WRNIP1: variants seen among roughly 807,000 people sequenced by gnomAD.
WRNIP1 encodes WRN helicase interacting protein 1, also known as ATPase WRNIP1.
In WRNIP1, 41 loss-of-function variants were observed where a neutral mutation model predicts 56.1. That is an observed-to-expected ratio of 0.73 (90% CI 0.57 to 0.95). The LOEUF is 0.95. WRNIP1 is among the 40% of genes least tolerant of loss of function. The pLI is 0.00. For synonymous variants in WRNIP1, 547 were observed against 398.1 expected (o/e 1.37, Z -4.45); for missense variants, 1,170 against 939.4 (o/e 1.25, Z -3.21).
Position 2,785,080 on chromosome 6 carries a change from A to G in WRNIP1, c.1796A>G (p.Asn599Ser). The G allele has an allele frequency of 2.5e-6, 4 of 1,614,136 alleles. No homozygotes were observed. Among genetic ancestry groups the G allele is most frequent in the Non-Finnish European group, 3.4e-6 (4 of 1,180,014 alleles). The change falls in exon 7 of 7, where the codon AAC becomes AGC. Residue 599 changes from asparagine (N) to serine (S), a missense_variant. Physicochemically the swap from Asn to Ser is conservative, Grantham distance 46. Transcript: ENST00000380773. ...ATTGAGGTGTACAGCGCCTACAACA[A>G]CGTCAAAGCCTGCCTGAGGAACCAC... is the stretch of plus-strand genomic sequence containing the variant. ...KSIEVYSAYNNVKACLRNHQG... is the reference protein window; with the variant it reads ...KSIEVYSAYNSVKACLRNHQG...
At chr6:2,772,451 C>G (rs1488228931) in intron 3 of WRNIP1, among the ~76,000 whole-genome samples, 1 of 152,150 alleles carries the variant, frequency 6.6e-6, no homozygotes, top group African/African-American at 2.4e-5. Context: ...GTGCCTGGCA[C>G]ACATTATGTG....
At chr6:2,780,305 G>T (rs1209729063) in intron 4 of WRNIP1, among the ~76,000 whole-genome samples, 1 of 152,222 alleles carries the variant, frequency 6.6e-6, no homozygotes, top group African/African-American at 2.4e-5. Context: ...TCTCACGTAG[G>T]CTGTGCCACG....
rs765510820 is a variant in WRNIP1, at chr6:2,766,192, C to T, written c.570C>T (p.Asp190=). 5.7e-6 allele frequency: 8 copies of T among 1,397,842 alleles called. No individual in the cohort carries two copies. The highest frequency in any genetic ancestry group is 6.6e-5 in the Admixed American group (2 of 30,278). 86.6% of individuals were successfully genotyped at this position (1,397,842 alleles called of 1,614,324 possible). ...ADGEDDPGHW[D]ADAAEAATAF... Reference sequence around the variant, plus strand: ...GCGAGGACGACCCGGGGCACTGGGACGCGGACGCTGCCGAAGCCGCCACCG... The same window carrying T: ...GCGAGGACGACCCGGGGCACTGGGATGCGGACGCTGCCGAAGCCGCCACCG... The change falls in exon 1 of 7, where the codon GAC becomes GAT. Residue 190 remains aspartate (D), a synonymous_variant. Transcript: ENST00000380773.
Position 2,783,434 on chromosome 6 carries a change from C to T in WRNIP1, c.1515C>T (p.Ala505=). Reference sequence around the variant, plus strand: ...AGGAGCATTACAACTGCATCTCCGCCCTGCACAAGTCCATGCGGGGCTCAG... The same window carrying T: ...AGGAGCATTACAACTGCATCTCCGCTCTGCACAAGTCCATGCGGGGCTCAG... ...AGEEHYNCIS[A]LHKSMRGSDQ... is the part of the protein sequence containing the mutation. Residue 505 remains alanine, a synonymous_variant, in exon 5 of 7, where the codon GCC becomes GCT. Coordinates refer to ENST00000380773, the MANE Select transcript of WRNIP1 (RefSeq NM_020135.3). 6.2e-7 allele frequency: 1 copy of T among 1,611,186 alleles called. No homozygotes were observed. Among genetic ancestry groups the T allele is most frequent in the South Asian group, 1.1e-5 (1 of 90,686 alleles).
intron 4 of WRNIP1, among the ~76,000 whole-genome samples, chr6:2,782,874 C>G (rs1350737713): frequency 3.3e-5 from 5 of 152,190 alleles, no homozygotes; most frequent in Non-Finnish European, 5.9e-5. Context: ...ACAGGTGTCC[C>G]CACACCAAGG....
In WRNIP1 at chr6:2,778,825, G is replaced by A. The variant is rs146092567; in HGVS notation, c.1257-438G>A. Among the ~76,000 whole-genome samples the A allele has an allele frequency of 1.2e-4, 19 of 152,370 alleles. No individual in the cohort carries two copies. In the East Asian group the frequency reaches 3.5e-3, roughly 28 times the overall value. On this transcript the variant is annotated intron_variant, in intron 3 of 6. Transcript: ENST00000380773. The stretch of plus-strand genomic sequence containing the variant: ...TCAGATATAATGCTGACTCTCCCCT[G>A]TGTGGAAAGTGGTCTAAGCACATCT...
chr6:2,783,653 T>TTTTTTTAGGGG, intron 5 of WRNIP1, 92 bp downstream of exon 5: 2 of 119,820 alleles, frequency 1.7e-5, no homozygotes, highest in African/African-American at 9.0e-5. Flanking sequence ...TTTTTTTTTT[T>TTTTTTTAGGGG]GCAGGGCGGG....
At chr6:2,776,703 CTG>C (rs1226997862) in intron 3 of WRNIP1, among the ~76,000 whole-genome samples, 1 of 152,210 alleles carries the variant, frequency 6.6e-6, no homozygotes, top group East Asian at 1.9e-4. Context: ...GCCTCCCTGT[CTG>C]TATATGAGGA....
intron 3 of WRNIP1, among the ~76,000 whole-genome samples, chr6:2,772,676 C>G (rs6922870): frequency 6.6e-6 from 1 of 152,160 alleles, no homozygotes; most frequent in African/African-American, 2.4e-5. Context: ...GCAATTCTAA[C>G]AAGAAGTTAA....
intron 3 of WRNIP1, among the ~76,000 whole-genome samples, chr6:2,777,145 A>G (rs1765451475): frequency 6.6e-6 from 1 of 152,198 alleles, no homozygotes; most frequent in South Asian, 2.1e-4. Context: ...CAGTGCTGGA[A>G]ATATGGATTC....
chr6:2,782,578 C>T (rs1018290437), intron 4 of WRNIP1, among the ~76,000 whole-genome samples: 6 of 152,252 alleles, frequency 3.9e-5, no homozygotes, highest in Non-Finnish European at 8.8e-5. Context: ...GAACACCATC[C>T]TCCGCTTTCT....
intron 3 of WRNIP1, among the ~76,000 whole-genome samples, chr6:2,771,386 G>C (rs187169608): frequency 1.3e-5 from 2 of 152,310 alleles, no homozygotes; most frequent in Non-Finnish European, 2.9e-5. Flanking sequence ...GAGTGGCCTT[G>C]TTTTGGAATA....
chr6:2,766,504 G>A, intron 1 of WRNIP1, 60 bp downstream of exon 1: 2 of 1,443,764 alleles, frequency 1.4e-6, no homozygotes, highest in South Asian at 1.4e-5. Context: ...TGCAGCTGAT[G>A]GTCGGAGAGC....
In WRNIP1 at chr6:2,786,799, T is replaced by C. The variant is rs919649449; in HGVS notation, c.*1517T>C. 1.3e-5 allele frequency: 2 copies of C among 152,234 alleles called. No individual in the cohort carries two copies. Among genetic ancestry groups the C allele is most frequent in the African/African-American group, 4.8e-5 (2 of 41,452 alleles). 9.4% of individuals were successfully genotyped at this position (152,234 alleles called of 1,614,324 possible). A position where few individuals can be genotyped will look rare whatever the true frequency, so the allele number is the denominator to read the frequency against. ...CTCTATCAACTTGTAGACTCTTCTG[T>C]CTTTGCTCCCCGTGTTTTAAAAGTC... On this transcript the variant is annotated 3_prime_UTR_variant, in exon 7 of 7. Coordinates refer to ENST00000380773, the MANE Select transcript of WRNIP1 (RefSeq NM_020135.3).
rs1485129311 is a variant in WRNIP1, at chr6:2,765,470, G to A, written c.-153G>A. ...CGGACGCGGGAGCTGCGGACGTGAG[G>A]CATGAGCGGCGCCCTCCTCCGGCCC... On this transcript the variant is annotated 5_prime_UTR_variant, in exon 1 of 7. Coordinates refer to ENST00000380773, the MANE Select transcript of WRNIP1 (RefSeq NM_020135.3). The A allele has an allele frequency of 5.1e-6, 5 of 971,412 alleles. No individual in the cohort carries two copies. The highest frequency in any genetic ancestry group is 4.5e-5 in the Admixed American group (1 of 21,984). 60.2% of individuals were successfully genotyped at this position (971,412 alleles called of 1,614,324 possible). A position where few individuals can be genotyped will look rare whatever the true frequency, so the allele number is the denominator to read the frequency against.
chr6:2,773,203 C>T (rs1299462462), intron 3 of WRNIP1: 33 of 985,210 alleles, frequency 3.3e-5, no homozygotes, highest in Non-Finnish European at 3.6e-5. Context: ...AAATTCCCTC[C>T]TGTAGTTATT....
Position 2,770,312 on chromosome 6 carries a change from T to G in WRNIP1, c.1207T>G (p.Ser403Ala), listed in dbSNP as rs760613951. Residue 403 changes from serine to alanine, a missense_variant, in exon 3 of 7, where the codon TCT becomes GCT. Transcript: ENST00000380773. ...CTCCCTGGGAATCCACGTCCTAGAC[T>G]CTAGCCGTCCCACTGACCCTCTGAG... is the stretch of plus-strand genomic sequence containing the variant. ...INSLGIHVLD[S>A]SRPTDPLSHS... The G allele has an allele frequency of 6.2e-7, 1 of 1,614,154 alleles. No homozygotes were observed. The highest frequency in any genetic ancestry group is 1.3e-5 in the African/African-American group (1 of 75,048).
In WRNIP1 at chr6:2,765,778, CG is replaced by C; in HGVS notation, c.159del (p.Ser54ArgfsTer27). On this transcript the variant is annotated frameshift_variant, in exon 1 of 7. Coordinates refer to ENST00000380773, the MANE Select transcript of WRNIP1 (RefSeq NM_020135.3). LOFTEE classifies it high-confidence loss of function. Reference protein sequence around the residue: ...HPAGHAEPAAGSHRAGERAKG... With the variant: ...HPAGHAEPAAXSHRAGERAKG... ...CGGCGGGGCACGCGGAGCCCGCGGC[CG>C]GGTCGCACCGCGCCGGGGAGCGGGC... The C allele has an allele frequency of 6.9e-7, 1 of 1,442,268 alleles. No individual in the cohort carries two copies. Among genetic ancestry groups the C allele is most frequent in the Non-Finnish European group, 9.1e-7 (1 of 1,099,096 alleles). 89.3% of individuals were successfully genotyped at this position (1,442,268 alleles called of 1,614,324 possible). A position where few individuals can be genotyped will look rare whatever the true frequency, so the allele number is the denominator to read the frequency against.
chr6:2,770,421 G>A, intron 3 of WRNIP1, 60 bp downstream of exon 3: 2 of 1,598,252 alleles, frequency 1.3e-6, no homozygotes, highest in South Asian at 1.1e-5. Context: ...CTCCTGGCAG[G>A]GGGCCAGAAA....
Sources: gnomAD v4.1 joint callset for allele counts (sites outside exome capture counted in the v4.1 genomes callset) on GRCh38, gnomAD v4.1.1 for gene constraint, MANE v1.5 for transcripts, NCBI Gene and HGNC (gene_info 2026-07-23, HGNC 2026-07-21) for gene names.